Variants in C1orf198 observed in about 807,000 individuals in gnomAD.
C1orf198 encodes uncharacterized protein C1orf198.
Under a neutral mutation model 31.4 loss-of-function variants are expected in C1orf198, and 17 were observed. The observed-to-expected ratio is 0.54, with a 90% CI of 0.37 to 0.81. The LOEUF is 0.81. C1orf198 is among the 40% of genes least tolerant of loss of function. The probability of loss-of-function intolerance (pLI) is 0.00; values close to 1 mark genes in which losing one functional copy is unlikely to be tolerated. For synonymous variants in C1orf198, 175 were observed against 193.8 expected, an observed-to-expected ratio of 0.90 and a Z score of 0.81; for missense variants, 401 against 450.3, an observed-to-expected ratio of 0.89 and a Z score of 0.99.
Position 230,868,180 on chromosome 1 carries a change from C to T in C1orf198, c.333G>A (p.Glu111=). Residue 111 remains glutamate (E), a splice_region_variant and synonymous_variant, in exon 1 of 4, where the codon GAG becomes GAA. Transcript: ENST00000366663. The stretch of plus-strand genomic sequence containing the variant: ...GGTCCGCGGCCAGGCCCGCACCTAC[C>T]TCGTCCCCGAAGCGCACCACCTTCT... ...TGQKVVRFGD[E]DLTWQDEHSA... is the part of the protein sequence containing the mutation. 1 of 1,507,658 alleles carries T rather than the reference C, an allele frequency of 6.6e-7. No homozygotes were observed. The highest frequency in any genetic ancestry group is 1.2e-5 in the South Asian group (1 of 81,036). The allele number at this position is 1,507,658 out of a possible 1,614,324, so 93.4% of individuals were successfully genotyped here.
At chr1:230,865,382 T>C (rs1346254932) in intron 1 of C1orf198, among the ~76,000 whole-genome samples, 1 of 152,182 alleles carries the variant, frequency 6.6e-6, no homozygotes, top group Non-Finnish European at 1.5e-5. Flanking sequence ...CTTCCATGCT[T>C]TTTTACTGAG....
At chr1:230,864,855 T>C (rs1670081591) in intron 1 of C1orf198, among the ~76,000 whole-genome samples, 1 of 152,164 alleles carries the variant, frequency 6.6e-6, no homozygotes, top group African/African-American at 2.4e-5. Flanking sequence ...AACACATTCC[T>C]AACAATTCAG....
intron 1 of C1orf198, among the ~76,000 whole-genome samples, chr1:230,863,463 G>A (rs1415335313): frequency 6.6e-6 from 1 of 152,228 alleles, no homozygotes; most frequent in Non-Finnish European, 1.5e-5. Flanking sequence ...TGCTTAGAGT[G>A]TAAAAGTGAC....
chr1:230,842,830 C>T (rs1212251576), intron 3 of C1orf198, among the ~76,000 whole-genome samples: 1 of 152,180 alleles, frequency 6.6e-6, no homozygotes, highest in Non-Finnish European at 1.5e-5. Flanking sequence ...ACCATGGAGG[C>T]AACTGCATCC....
At chr1:230,862,688 G>A (rs748338306) in intron 1 of C1orf198, among the ~76,000 whole-genome samples, 24 of 152,182 alleles carry the variant, frequency 1.6e-4, no homozygotes, top group South Asian at 4.1e-4. Flanking sequence ...TTAAAATATC[G>A]TTGGTTGCCA....
At chr1:230,861,077 G>A (rs765843567) in intron 1 of C1orf198, among the ~76,000 whole-genome samples, 2 of 152,142 alleles carry the variant, frequency 1.3e-5, no homozygotes, top group Non-Finnish European at 2.9e-5. Context: ...GGGGCGGGAG[G>A]CATGAGCAGG....
In C1orf198 at chr1:230,868,257, C is replaced by G. The variant is rs1670166925; in HGVS notation, c.256G>C (p.Gly86Arg). ...GPRAPAPRDP[G>R]DSEELTRFPG... ...AAGCGCGTGAGCTCCTCCGAGTCCC[C>G]GGGGTCTCGGGGCGCCGGGGCGCGC... The change falls in exon 1 of 4, where the codon GGG becomes CGG. Residue 86 changes from glycine (G) to arginine (R), a missense_variant. Transcript: ENST00000366663. 5 of 1,572,284 alleles carry G rather than the reference C, an allele frequency of 3.2e-6. No homozygotes were observed. The East Asian group carries it at 9.7e-5, about 30-fold the overall frequency.
rs186979564 is a variant in C1orf198, at chr1:230,847,618, C to A, written c.385-3722G>T. Among the ~76,000 whole-genome samples, 20 of 152,252 alleles carry A rather than the reference C, an allele frequency of 1.3e-4. No individual in the cohort carries two copies. The East Asian group carries it at 3.9e-3, about 29-fold the overall frequency. ...GGGAGCAATGGACACAGTGGGATTT[C>A]TTTATGTATGTGTGTGATCTAATTT... On this transcript the variant is annotated intron_variant, in intron 2 of 3. Coordinates refer to ENST00000366663, the MANE Select transcript of C1orf198 (RefSeq NM_032800.3).
chr1:230,865,353 G>A (rs958722006), intron 1 of C1orf198, among the ~76,000 whole-genome samples: 1 of 152,176 alleles, frequency 6.6e-6, no homozygotes, highest in African/African-American at 2.4e-5. Context: ...AAGGGGCCGG[G>A]GCCTAGGTTG....
intron 1 of C1orf198, among the ~76,000 whole-genome samples, chr1:230,861,409 A>T (rs1670001292): frequency 6.6e-6 from 1 of 152,236 alleles, no homozygotes; most frequent in Non-Finnish European, 1.5e-5. Flanking sequence ...CCCCCAAAAA[A>T]AGTAATAAAC....
chr1:230,869,477 C>G (rs1323948650), upstream of C1orf198: 1 of 152,162 alleles, frequency 6.6e-6, no homozygotes, highest in Non-Finnish European at 1.5e-5. Flanking sequence ...TTTAACAAGA[C>G]TAACAGGACT....
chr1:230,862,401 C>G (rs536569611), intron 1 of C1orf198, among the ~76,000 whole-genome samples: 1 of 152,170 alleles, frequency 6.6e-6, no homozygotes, highest in Non-Finnish European at 1.5e-5. Context: ...TGAAGACTTA[C>G]GTCCACACAA....
At chr1:230,846,377 G>A (rs1669587975) in intron 2 of C1orf198, among the ~76,000 whole-genome samples, 1 of 152,172 alleles carries the variant, frequency 6.6e-6, no homozygotes, top group Admixed American at 6.5e-5. Flanking sequence ...CATAATCAAT[G>A]GTCTGTTCAG....
rs780063803 is a variant in C1orf198 at position 230,843,918 on chromosome 1, G to C, written c.385-22C>G. 6.7e-7 allele frequency: 1 copy of C among 1,496,624 alleles called. No individual in the cohort carries two copies. The allele number at this position is 1,496,624 out of a possible 1,614,324, so 92.7% of individuals were successfully genotyped here. On this transcript the variant is annotated intron_variant, in intron 2 of 3. Coordinates refer to ENST00000366663, the MANE Select transcript of C1orf198 (RefSeq NM_032800.3). This position sits in a 1 kb window ranked among gnomAD's most constrained non-coding sequence, Gnocchi z 4.9. The stretch of plus-strand genomic sequence containing the variant: ...GACTCTAGGGTGGGACATGAGAAAG[G>C]ACAGAAAAAAGAAAGAGATCCTGAG...
In C1orf198 at chr1:230,839,041, C is replaced by T. The variant is rs774836582; in HGVS notation, c.*811G>A. The T allele has an allele frequency of 3.3e-5, 5 of 152,450 alleles. No individual in the cohort carries two copies. Among genetic ancestry groups the T allele is most frequent in the African/African-American group, 7.2e-5 (3 of 41,418 alleles). The allele number at this position is 152,450 out of a possible 1,614,324, so 9.4% of individuals were successfully genotyped here. A position where few individuals can be genotyped will look rare whatever the true frequency, so the allele number is the denominator to read the frequency against. ...CCCTGACTCCTGTAGGTGCCCAGTC[C>T]GGGGAACAACCAACAGGTCACATAA... is the stretch of plus-strand genomic sequence containing the variant. On this transcript the variant is annotated 3_prime_UTR_variant, in exon 4 of 4. Coordinates refer to ENST00000366663, the MANE Select transcript of C1orf198 (RefSeq NM_032800.3).
At chr1:230,863,017 G>T (rs1670034603) in intron 1 of C1orf198, among the ~76,000 whole-genome samples, 6 of 152,192 alleles carry the variant, frequency 3.9e-5, no homozygotes, top group Admixed American at 3.9e-4. Context: ...AAAGAGGAGA[G>T]TAAGGAAGAA....
intron 2 of C1orf198, among the ~76,000 whole-genome samples, chr1:230,846,959 C>A (rs1239867430): frequency 6.6e-6 from 1 of 151,572 alleles, no homozygotes; most frequent in Non-Finnish European, 1.5e-5. Flanking sequence ...AAAAATTAGC[C>A]GGGCGCGGTG....
chr1:230,867,203 C>T (rs1558144194), intron 1 of C1orf198, among the ~76,000 whole-genome samples: 2 of 152,182 alleles, frequency 1.3e-5, no homozygotes, highest in African/African-American at 4.8e-5. Flanking sequence ...TTGCTCCTCA[C>T]GGCAAAAGTT....
chr1:230,852,404 G>T (rs901965715), intron 2 of C1orf198, among the ~76,000 whole-genome samples: 1 of 152,178 alleles, frequency 6.6e-6, no homozygotes, highest in African/African-American at 2.4e-5. Flanking sequence ...TAGTGAGAGT[G>T]GGGGGCAGTC....
Sources: allele counts gnomAD v4.1 joint callset (sites outside exome capture counted in the v4.1 genomes callset), GRCh38; gene constraint gnomAD v4.1.1; non-coding constraint Gnocchi (gnomAD v3.1); transcripts MANE v1.5; gene names NCBI Gene and HGNC (gene_info 2026-07-23, HGNC 2026-07-21).